Variants in PID1 observed in about 807,000 individuals in gnomAD.
The protein encoded by PID1 is PTB-containing, cubilin and LRP1-interacting protein.
PID1 carries 10 observed loss-of-function variants against 19.1 expected under a neutral mutation model. That is an observed-to-expected ratio of 0.52 (90% CI 0.32 to 0.89). The LOEUF (loss-of-function observed/expected upper bound fraction) is 0.89, where lower values mean the gene tolerates loss of function less well. Ranked by LOEUF, PID1 falls within the 40% of genes least tolerant of loss-of-function variation. PID1 has a pLI of 0.03. For missense variants in PID1, 248 were observed against 285.3 expected (o/e 0.87, Z 0.94); for synonymous variants, 130 against 116.0 (o/e 1.12, Z -0.78).
chr2:229,162,960 A>G (rs1372178734), intron 1 of PID1, among the ~76,000 whole-genome samples: 1 of 152,236 alleles, frequency 6.6e-6, no homozygotes, highest in Non-Finnish European at 1.5e-5. Flanking sequence ...AATCAAAATA[A>G]AATTCTGTTA....
At chr2:229,241,637 G>C (rs1321100951) in intron 1 of PID1, among the ~76,000 whole-genome samples, 2 of 152,058 alleles carry the variant, frequency 1.3e-5, no homozygotes, top group African/African-American at 2.4e-5. Flanking sequence ...TGAGTTATTA[G>C]GTAGTACAAA....
chr2:229,242,749 C>G (rs759810461), intron 1 of PID1, among the ~76,000 whole-genome samples: 1 of 152,128 alleles, frequency 6.6e-6, no homozygotes, highest in Non-Finnish European at 1.5e-5. Flanking sequence ...TCATTTGTTA[C>G]CTATAAGCTC....
At chr2:229,069,938 G>C (rs545908098) in intron 2 of PID1, among the ~76,000 whole-genome samples, 1 of 152,252 alleles carries the variant, frequency 6.6e-6, no homozygotes, top group East Asian at 1.9e-4. Context: ...AGTCAAGAGG[G>C]GGGAACAAAA....
At chr2:229,261,770 G>A (rs1380731426) in intron 1 of PID1, among the ~76,000 whole-genome samples, 7 of 152,204 alleles carry the variant, frequency 4.6e-5, no homozygotes, top group Admixed American at 4.6e-4. Context: ...GACACTGACA[G>A]AGCAGTTCTG....
intron 1 of PID1, among the ~76,000 whole-genome samples, chr2:229,255,974 G>A (rs2106287592): frequency 6.6e-6 from 1 of 152,292 alleles, no homozygotes; most frequent in African/African-American, 2.4e-5. Context: ...AGCAATGAAT[G>A]GTGCTAAACA....
intron 2 of PID1, among the ~76,000 whole-genome samples, chr2:229,095,362 C>T (rs1476852838): frequency 6.6e-6 from 1 of 151,984 alleles, no homozygotes; most frequent in South Asian, 2.1e-4. Context: ...GGTAGGTAAA[C>T]CTCTCTCAAA....
At chr2:229,153,849 T>A (rs1022690678) in intron 2 of PID1, among the ~76,000 whole-genome samples, 11 of 152,202 alleles carry the variant, frequency 7.2e-5, no homozygotes, top group African/African-American at 2.7e-4. Flanking sequence ...TTTATAGGCT[T>A]TATCACACTT....
intron 2 of PID1, among the ~76,000 whole-genome samples, chr2:229,146,296 G>A (rs1479179950): frequency 6.6e-6 from 1 of 152,114 alleles, no homozygotes; most frequent in African/African-American, 2.4e-5. Flanking sequence ...ATGGACACAG[G>A]GAGAGGAACA....
intron 2 of PID1, among the ~76,000 whole-genome samples, chr2:229,048,844 C>T (rs141544567): frequency 1.2e-4 from 19 of 152,018 alleles, no homozygotes; most frequent in African/African-American, 3.1e-4. Flanking sequence ...TTGGGTGTTA[C>T]GCAAAATCAA....
intron 1 of PID1, among the ~76,000 whole-genome samples, chr2:229,222,500 T>C (rs1407785541): frequency 1.3e-5 from 2 of 152,190 alleles, no homozygotes; most frequent in African/African-American, 2.4e-5. Context: ...AAGAGTTAAT[T>C]TTATGTGTCA....
At chr2:229,032,556 C>T (rs2106166584) in intron 2 of PID1, among the ~76,000 whole-genome samples, 2 of 152,310 alleles carry the variant, frequency 1.3e-5, no homozygotes, top group South Asian at 4.1e-4. Flanking sequence ...AAATGATACA[C>T]AGATTTTTCT....
rs367646466 is a variant in PID1 at position 229,135,286 on chromosome 2, A to G, written c.177+20532T>C. On this transcript the variant is annotated intron_variant, in intron 2 of 2. Coordinates refer to ENST00000392055, the MANE Select transcript of PID1 (RefSeq NM_001100818.2). Reference sequence around the variant, plus strand: ...ATTCAGGGGGCATATGCTTCAAGTTATCGTCTTTCAATTCTTCCTGTGACT... The same window carrying G: ...ATTCAGGGGGCATATGCTTCAAGTTGTCGTCTTTCAATTCTTCCTGTGACT... Among the ~76,000 whole-genome samples the G allele has an allele frequency of 1.6e-4, 24 of 152,316 alleles. No homozygotes were observed. In the East Asian group the frequency reaches 3.1e-3, roughly 20 times the overall value.
chr2:229,163,111 A>G lies in PID1; in HGVS notation c.31-7147T>C, dbSNP rs1373772698. Among the ~76,000 whole-genome samples, 3 of 152,176 alleles carry G rather than the reference A, an allele frequency of 2.0e-5. No homozygotes were observed. In the East Asian group the frequency reaches 5.8e-4, roughly 29 times the overall value. The stretch of plus-strand genomic sequence containing the variant: ...TACATATTAGTTCAACTTATAACCT[A>G]TAAACATTTTTCATGCTAAGAGTTT... On this transcript the variant is annotated intron_variant, in intron 1 of 2. Transcript: ENST00000392055.
intron 1 of PID1, among the ~76,000 whole-genome samples, chr2:229,182,697 T>C (rs1354173444): frequency 2.0e-5 from 3 of 152,212 alleles, no homozygotes; most frequent in Admixed American, 1.3e-4. Context: ...GACAGTTCCC[T>C]TTCATACACT....
intron 1 of PID1, among the ~76,000 whole-genome samples, chr2:229,253,269 AT>A (rs921837912): frequency 1.3e-5 from 2 of 152,146 alleles, no homozygotes; most frequent in Non-Finnish European, 2.9e-5. Flanking sequence ...GATAAGAGGG[AT>A]TTGTTTCATA....
chr2:229,049,577 C>T (rs1483864263), intron 2 of PID1, among the ~76,000 whole-genome samples: 1 of 152,068 alleles, frequency 6.6e-6, no homozygotes, highest in African/African-American at 2.4e-5. Flanking sequence ...TGCATGTCAC[C>T]TAGTAATTTA....
At chr2:229,131,621 A>G (rs1056583382) in intron 2 of PID1, among the ~76,000 whole-genome samples, 6 of 152,240 alleles carry the variant, frequency 3.9e-5, no homozygotes, top group African/African-American at 1.4e-4. Flanking sequence ...AGAAGTATTA[A>G]TAATTAATTT....
In PID1 at chr2:229,189,075, G is replaced by A. The variant is rs928280757; in HGVS notation, c.31-33111C>T. 3.9e-5 allele frequency among the ~76,000 whole-genome samples: 6 copies of A among 152,210 alleles called. 1 individual carries two copies. The South Asian group carries it at 1.2e-3, about 32-fold the overall frequency. On this transcript the variant is annotated intron_variant, in intron 1 of 2. Coordinates refer to ENST00000392055, the MANE Select transcript of PID1 (RefSeq NM_001100818.2). ...AAATCATGAGAAGAACTCGTGAAGT[G>A]AAAGTTCTCTTCGTGTCTATTAACC...
intron 1 of PID1, among the ~76,000 whole-genome samples, chr2:229,172,719 T>C (rs1270110786): frequency 6.6e-6 from 1 of 151,976 alleles, no homozygotes; most frequent in African/African-American, 2.4e-5. Flanking sequence ...CAACATAATA[T>C]TTTGTTTGTT....
Sources: gnomAD v4.1 joint callset for allele counts (sites outside exome capture counted in the v4.1 genomes callset) on GRCh38, gnomAD v4.1.1 for gene constraint, MANE v1.5 for transcripts, NCBI Gene and HGNC (gene_info 2026-07-23, HGNC 2026-07-21) for gene names.